The following ODAD2 variants were observed in gnomAD, a reference collection of about 807,000 sequenced individuals.
ODAD2 encodes outer dynein arm docking complex subunit 2, also known as outer dynein arm-docking complex subunit 2.
Under a neutral mutation model 106.8 loss-of-function variants are expected in ODAD2, and 89 were observed. That is an observed-to-expected ratio of 0.83 (90% confidence interval 0.70 to 0.99). ODAD2 has a LOEUF of 0.99. ODAD2 is among the 50% of genes least tolerant of loss of function. The pLI, the probability that ODAD2 is intolerant of heterozygous loss-of-function variation, is 0.00. For missense variants in ODAD2, 1,168 were observed against 1,238.5 expected (o/e 0.94, Z 0.85); for synonymous variants, 404 against 436.2 (o/e 0.93, Z 0.92).
Position 27,969,286 on chromosome 10 carries a change from C to T in ODAD2, c.1143-268G>A, listed in dbSNP as rs370189374. ...TGCCACTGTTGGTGTGAATCCTGCA[C>T]CCGATGCCTTCTACTCTAGGTATGT... On this transcript the variant is annotated intron_variant, in intron 8 of 19. Coordinates refer to ENST00000305242, the MANE Select transcript of ODAD2 (RefSeq NM_018076.5). Among the ~76,000 whole-genome samples the T allele has an allele frequency of 3.6e-3, 528 of 146,970 alleles. 8 individuals are homozygous for T. Among genetic ancestry groups the T allele is most frequent in the African/African-American group, 0.011 (418 of 38,160 alleles).
chr10:27,928,621 C>T (rs1845412400), intron 16 of ODAD2, among the ~76,000 whole-genome samples: 1 of 151,940 alleles, frequency 6.6e-6, no homozygotes, highest in Admixed American at 6.6e-5. Flanking sequence ...CATTTAAGGC[C>T]CCTTGTTTCA....
intron 17 of ODAD2, among the ~76,000 whole-genome samples, chr10:27,895,353 G>C (rs913733388): frequency 3.3e-5 from 5 of 152,140 alleles, no homozygotes; most frequent in African/African-American, 1.2e-4. Flanking sequence ...CAGTGCACTG[G>C]AGCAATCTTT....
At chr10:27,987,265 C>T (rs763316349) in intron 3 of ODAD2, 121 bp downstream of exon 3, 62 of 849,898 alleles carry the variant, frequency 7.3e-5, no homozygotes, top group Non-Finnish European at 9.9e-5. Flanking sequence ...TGACTTTTTA[C>T]CTTGTAGATT....
chr10:27,875,516 G>A (rs982612732), intron 17 of ODAD2, among the ~76,000 whole-genome samples: 2 of 152,278 alleles, frequency 1.3e-5, no homozygotes, highest in East Asian at 3.9e-4. Context: ...TGATGGTGAT[G>A]TACAGATGGG....
chr10:27,912,955 A>G (rs1331278571), intron 16 of ODAD2, among the ~76,000 whole-genome samples: 1 of 152,174 alleles, frequency 6.6e-6, no homozygotes, highest in Non-Finnish European at 1.5e-5. Flanking sequence ...TGGGACAACA[A>G]ATTTGGAGAA....
At chr10:27,850,499 G>A (rs923656811) in intron 19 of ODAD2, among the ~76,000 whole-genome samples, 1 of 150,718 alleles carries the variant, frequency 6.6e-6, no homozygotes, top group Non-Finnish European at 1.5e-5. Context: ...GGAGGTTGTA[G>A]TGAGCTGATA....
At chr10:27,918,554 A>G (rs1484325021) in intron 16 of ODAD2, among the ~76,000 whole-genome samples, 1 of 151,968 alleles carries the variant, frequency 6.6e-6, no homozygotes, top group Admixed American at 6.6e-5. Context: ...AACTTTTTCA[A>G]TCTGATAAAA....
chr10:27,915,565 G>A (rs1298363660), intron 16 of ODAD2, among the ~76,000 whole-genome samples: 8 of 152,050 alleles, frequency 5.3e-5, no homozygotes, highest in Non-Finnish European at 1.2e-4. Flanking sequence ...TAAATGTGAG[G>A]GAACAGTATA....
At chr10:27,923,089 G>A (rs1165599557) in intron 16 of ODAD2, among the ~76,000 whole-genome samples, 1 of 151,924 alleles carries the variant, frequency 6.6e-6, no homozygotes, top group Admixed American at 6.6e-5. Context: ...CAATAACAAA[G>A]AACAAAGACT....
rs575265132 is a variant in ODAD2, at chr10:27,883,152, T to C, written c.2611-20530A>G. ...TCACCGCTGGCTGACCTTGAGGTTC[T>C]ATACAAGCAGAAGTGAAGTCTGAGA... is the stretch of plus-strand genomic sequence containing the variant. On this transcript the variant is annotated intron_variant, in intron 17 of 19. Coordinates refer to ENST00000305242, the MANE Select transcript of ODAD2 (RefSeq NM_018076.5). 2.6e-5 allele frequency among the ~76,000 whole-genome samples: 4 copies of C among 152,068 alleles called. No individual in the cohort carries two copies. In the South Asian group the frequency reaches 8.3e-4, roughly 32 times the overall value.
At chr10:27,959,225 A>C (rs1423174954) in intron 10 of ODAD2, among the ~76,000 whole-genome samples, 1 of 18,688 alleles carries the variant, frequency 5.4e-5, no homozygotes, top group Non-Finnish European at 9.0e-5. Context: ...AGGGGAGGGG[A>C]GGGGAGGCGA....
chr10:27,896,945 C>T (rs1390270903), intron 17 of ODAD2, among the ~76,000 whole-genome samples: 9 of 152,164 alleles, frequency 5.9e-5, no homozygotes, highest in African/African-American at 1.7e-4. Context: ...ATTCATTTCT[C>T]GCTCCAGTGC....
intron 10 of ODAD2, among the ~76,000 whole-genome samples, chr10:27,948,772 C>T (rs934254059): frequency 4.6e-5 from 5 of 108,602 alleles, no homozygotes; most frequent in African/African-American, 1.5e-4. Context: ...GCTCTGTTGG[C>T]CTTTGGATTT....
Position 27,885,714 on chromosome 10 carries a change from T to A in ODAD2, c.2610+21949A>T, listed in dbSNP as rs1326939530. Among the ~76,000 whole-genome samples, 12 of 57,858 alleles carry A rather than the reference T, an allele frequency of 2.1e-4. 1 individual carries two copies. The highest frequency in any genetic ancestry group is 4.8e-4 in the African/African-American group (7 of 14,498). The allele number at this position is 57,858 out of a possible 152,430, so 38.0% of individuals were successfully genotyped here. ...ATATATAATATATATAAAATATATA[T>A]TATATATTATATATAAAATATATTA... is the stretch of plus-strand genomic sequence containing the variant. On this transcript the variant is annotated intron_variant, in intron 17 of 19. Transcript: ENST00000305242.
At position 27,975,108 on chromosome 10, in the gene ODAD2, C is replaced by T. The variant is rs576159629; in HGVS notation, c.937-3795G>A. 7.2e-5 allele frequency among the ~76,000 whole-genome samples: 11 copies of T among 152,202 alleles called. No individual in the cohort carries two copies. In the East Asian group the frequency reaches 9.6e-4, roughly 13 times the overall value. On this transcript the variant is annotated intron_variant, in intron 7 of 19. Coordinates refer to ENST00000305242, the MANE Select transcript of ODAD2 (RefSeq NM_018076.5). ...GATACATTGATTTTGTATCCTGAAA[C>T]GTTGCTGAAGTTGTTTACCAGCTAA...
intron 10 of ODAD2, among the ~76,000 whole-genome samples, chr10:27,947,052 A>T (rs1464697179): frequency 6.6e-6 from 1 of 152,166 alleles, no homozygotes; most frequent in African/African-American, 2.4e-5. Flanking sequence ...CAAGAGCCTT[A>T]ATTTTACTAT....
chr10:27,814,679 A>T (rs754515966), intron 19 of ODAD2, among the ~76,000 whole-genome samples: 2 of 152,134 alleles, frequency 1.3e-5, no homozygotes, highest in African/African-American at 2.4e-5. Flanking sequence ...CTTTTCCTTT[A>T]ACCATCTTCC....
chr10:27,816,615 T>A (rs1836155419), intron 19 of ODAD2, among the ~76,000 whole-genome samples: 1 of 152,104 alleles, frequency 6.6e-6, no homozygotes, highest in South Asian at 2.1e-4. Context: ...AGGAAAAGGG[T>A]GAAAATAAGA....
chr10:27,865,132 C>T (rs755540377), intron 17 of ODAD2, among the ~76,000 whole-genome samples: 3 of 152,116 alleles, frequency 2.0e-5, no homozygotes, highest in Non-Finnish European at 4.4e-5. Context: ...AGGTGCACCC[C>T]TGGTTTATCT....
Sources: allele counts gnomAD v4.1 joint callset (sites outside exome capture counted in the v4.1 genomes callset), GRCh38; gene constraint gnomAD v4.1.1; transcripts MANE v1.5; gene names NCBI Gene and HGNC (gene_info 2026-07-23, HGNC 2026-07-21).